Variants in EMSY observed in about 807,000 individuals in gnomAD.
The protein encoded by EMSY is BRCA2-interacting transcriptional repressor EMSY.
Under a neutral mutation model 134.6 loss-of-function variants are expected in EMSY, and 26 were observed. That is an observed-to-expected ratio of 0.19 (90% CI 0.14 to 0.27). The LOEUF is 0.27. Among genes scored for constraint, EMSY ranks in the 10% least tolerant of loss-of-function variants. EMSY has a pLI of 1.00. For missense variants in EMSY, 1,305 were observed against 1,611.4 expected (o/e 0.81, Z 3.26); for synonymous variants, 579 against 577.8 (o/e 1.00, Z -0.03).
At chr11:76,458,012 C>A (rs1947943289) in intron 4 of EMSY, 171 bp from the exon 6 acceptor site, 2 of 495,526 alleles carry the variant, frequency 4.0e-6, no homozygotes, top group East Asian at 6.7e-5. Flanking sequence ...GTGTGACATT[C>A]CTTGAATTAT....
At chr11:76,470,209 A>T (rs1948517288) in intron 7 of EMSY, among the ~76,000 whole-genome samples, 2 of 152,106 alleles carry the variant, frequency 1.3e-5, no homozygotes, top group Non-Finnish European at 2.9e-5. Context: ...ATGAAAAAGA[A>T]TTTTCCCTTA....
At chr11:76,512,694 G>T in intron 9 of EMSY, among the ~76,000 whole-genome samples, 1 of 147,464 alleles carries the variant, frequency 6.8e-6, no homozygotes, top group African/African-American at 2.5e-5. Flanking sequence ...TAACAATTAT[G>T]GCATTATAAA....
intron 9 of EMSY, among the ~76,000 whole-genome samples, chr11:76,504,074 C>T (rs1257641581): frequency 6.6e-6 from 1 of 151,964 alleles, no homozygotes; most frequent in East Asian, 1.9e-4. Flanking sequence ...GCGGGAGCCA[C>T]TGTGCCCAGC....
At chr11:76,500,232 A>G (rs1342243890) in intron 9 of EMSY, among the ~76,000 whole-genome samples, 1 of 152,224 alleles carries the variant, frequency 6.6e-6, no homozygotes, top group Non-Finnish European at 1.5e-5. Context: ...TACTTAATAT[A>G]ATACTTAATG....
chr11:76,484,730 C>T (rs1203819464), intron 8 of EMSY, among the ~76,000 whole-genome samples: 4 of 151,960 alleles, frequency 2.6e-5, no homozygotes, highest in East Asian at 3.9e-4. Flanking sequence ...GTCGGGAGTT[C>T]GAGACCAGCC....
In EMSY at chr11:76,453,310, A is replaced by C; in HGVS notation, c.171-4A>C. On this transcript the variant is annotated splice_region_variant and splice_polypyrimidine_tract_variant and intron_variant, in intron 3 of 20. Transcript: ENST00000334736. ...AGTTCTATAATGGCTATTTTTCTTC[A>C]TAGCATCTCAACAGAACGCCACCGT... The C allele has an allele frequency of 6.2e-7, 1 of 1,611,976 alleles. No homozygotes were observed. Among genetic ancestry groups the C allele is most frequent in the Non-Finnish European group, 8.5e-7 (1 of 1,178,750 alleles).
At chr11:76,458,654 G>T in intron 5 of EMSY, 1 of 208,580 alleles carries the variant, frequency 4.8e-6, no homozygotes, top group Non-Finnish European at 9.5e-6. Flanking sequence ...CTTAATGGAT[G>T]ACATTAGAAA....
intron 12 of EMSY, 29 bp downstream of exon 13, chr11:76,523,320 G>A (rs763886951): frequency 1.4e-5 from 22 of 1,597,024 alleles, no homozygotes; most frequent in Non-Finnish European, 1.9e-5. Context: ...TGCAGACTTA[G>A]CAATTCACAG....
intron 6 of EMSY, among the ~76,000 whole-genome samples, chr11:76,463,280 A>G (rs902592298): frequency 4.6e-5 from 7 of 151,554 alleles, no homozygotes. Flanking sequence ...CTGAGATCAC[A>G]CCACTGCACT....
At chr11:76,538,321 G>A (rs545428731) in intron 16 of EMSY, among the ~76,000 whole-genome samples, 11 of 152,222 alleles carry the variant, frequency 7.2e-5, no homozygotes, top group South Asian at 6.2e-4. Context: ...GTGCAGTGGC[G>A]CGATCATGAT....
intron 2 of EMSY, among the ~76,000 whole-genome samples, chr11:76,448,243 A>G (rs1474217455): frequency 6.6e-6 from 1 of 152,144 alleles, no homozygotes; most frequent in Non-Finnish European, 1.5e-5. Flanking sequence ...CAAGGCCACT[A>G]TGAGGATTTC....
At chr11:76,463,090 T>A (rs1209186748) in intron 6 of EMSY, among the ~76,000 whole-genome samples, 1 of 151,182 alleles carries the variant, frequency 6.6e-6, no homozygotes, top group African/African-American at 2.4e-5. Context: ...CCAAGGCGGG[T>A]GGATCACCTG....
At chr11:76,528,546 C>T in intron 14 of EMSY, 80 bp downstream of exon 15, 2 of 873,972 alleles carry the variant, frequency 2.3e-6, no homozygotes, top group Non-Finnish European at 3.4e-6. Context: ...TGCTTCTACA[C>T]ATTTCACAAC....
chr11:76,487,011 C>G (rs1949213437), intron 8 of EMSY, among the ~76,000 whole-genome samples: 1 of 152,228 alleles, frequency 6.6e-6, no homozygotes, highest in South Asian at 2.1e-4. Context: ...GGTGCAGTGG[C>G]TCACGCCTGT....
intron 6 of EMSY, among the ~76,000 whole-genome samples, chr11:76,461,497 A>C (rs907128173): frequency 1.3e-5 from 2 of 152,262 alleles, no homozygotes; most frequent in African/African-American, 2.4e-5. Context: ...AAAAGTCTAC[A>C]AAAACAGTTG....
intron 8 of EMSY, among the ~76,000 whole-genome samples, chr11:76,473,497 T>C (rs945065290): frequency 1.4e-4 from 21 of 151,718 alleles, no homozygotes; most frequent in African/African-American, 4.8e-4. Flanking sequence ...TTGGTAGAGA[T>C]GGGGTCTCAC....
intron 11 of EMSY, among the ~76,000 whole-genome samples, chr11:76,522,391 C>T (rs115827749): frequency 0.01 from 985 of 94,054 alleles, 24 homozygotes; most frequent in African/African-American, 0.039. Context: ...TTCTTGAGAT[C>T]GAGTCTTGCT....
chr11:76,542,389 C>T, intron 18 of EMSY, 22 bp downstream of exon 19: 37 of 1,609,378 alleles, frequency 2.3e-5, no homozygotes, highest in Non-Finnish European at 3.1e-5. Flanking sequence ...TCTTTTTCTT[C>T]CTATCTTCTG....
intron 9 of EMSY, among the ~76,000 whole-genome samples, chr11:76,501,893 T>G (rs1949872002): frequency 6.6e-6 from 1 of 151,986 alleles, no homozygotes; most frequent in Admixed American, 6.6e-5. Context: ...TCAGTAAAAT[T>G]GCTGAAATTC....
Sources: allele counts gnomAD v4.1 joint callset (sites outside exome capture counted in the v4.1 genomes callset), GRCh38; gene constraint gnomAD v4.1.1; transcripts MANE v1.5; gene names NCBI Gene and HGNC (gene_info 2026-07-23, HGNC 2026-07-21).